Variants in PKP2 observed in about 807,000 individuals in gnomAD.
PKP2 encodes the protein plakophilin-2.
A neutral mutation model predicts 83.4 loss-of-function variants in PKP2; 73 were observed. The observed-to-expected ratio is 0.88, with a 90% CI of 0.72 to 1.06. The LOEUF (loss-of-function observed/expected upper bound fraction) is 1.06. Ranked by LOEUF, PKP2 falls within the 50% of genes least tolerant of loss-of-function variation. The probability of loss-of-function intolerance (pLI) is 0.00; values close to 1 mark genes in which losing one functional copy is unlikely to be tolerated. For missense variants in PKP2, 966 were observed against 1,065.4 expected (o/e 0.91, Z 1.30); for synonymous variants, 409 against 430.4 (o/e 0.95, Z 0.62).
intron 4 of PKP2, among the ~76,000 whole-genome samples, chr12:32,867,264 G>A (rs1356740534): frequency 6.6e-6 from 1 of 152,176 alleles, no homozygotes; most frequent in Non-Finnish European, 1.5e-5. Flanking sequence ...GAAAGTTGAG[G>A]CTGCAGTGAG....
rs1209406571 is a variant in PKP2, at chr12:32,878,193, G to A, written c.687C>T (p.Thr229=). 1.1e-5 allele frequency: 17 copies of A among 1,614,142 alleles called. No individual in the cohort carries two copies. Among genetic ancestry groups the A allele is most frequent in the African/African-American group, 5.3e-5 (4 of 74,946 alleles). The change falls in exon 3 of 13, where the codon ACC becomes ACT. Residue 229 remains threonine, a synonymous_variant. Transcript: ENST00000340811. ...GGTTGGCAGGGATGCTGTCAAAAAC[G>A]GTGTCGCTAACAGAGCCATGCTGGT... is the stretch of plus-strand genomic sequence containing the variant. ...RQYQHGSVSD[T]VFDSIPANPA...
chr12:32,834,703 TG>T (rs144348441), intron 6 of PKP2, among the ~76,000 whole-genome samples: 1 of 151,668 alleles, frequency 6.6e-6, no homozygotes, highest in African/African-American at 2.4e-5. Context: ...GAAAGAAGAC[TG>T]GGGGGGAGGA....
intron 6 of PKP2, among the ~76,000 whole-genome samples, chr12:32,837,809 C>T (rs1389214920): frequency 1.3e-5 from 2 of 152,152 alleles, no homozygotes; most frequent in Non-Finnish European, 2.9e-5. Flanking sequence ...TAGATTTTTA[C>T]CTTCACAATA....
chr12:32,818,171 T>C (rs1956337530), intron 9 of PKP2, among the ~76,000 whole-genome samples: 1 of 152,198 alleles, frequency 6.6e-6, no homozygotes. Context: ...CTTTTAAAAC[T>C]GTTTATTTCA....
chr12:32,846,415 G>T (rs1000009571), intron 5 of PKP2, among the ~76,000 whole-genome samples: 2 of 152,156 alleles, frequency 1.3e-5, no homozygotes, highest in Non-Finnish European at 2.9e-5. Flanking sequence ...CAGAAGTAGA[G>T]CGAGAGATGA....
intron 4 of PKP2, among the ~76,000 whole-genome samples, chr12:32,865,700 A>G (rs1956842394): frequency 6.6e-6 from 1 of 151,002 alleles, no homozygotes; most frequent in Admixed American, 6.6e-5. Context: ...AAAGACAAAT[A>G]GATCAATAGA....
At position 32,869,078 on chromosome 12, in the gene PKP2, C is replaced by G. The variant is rs777201065; in HGVS notation, c.1035-16G>C. On this transcript the variant is annotated splice_polypyrimidine_tract_variant and intron_variant, in intron 3 of 12. Coordinates refer to ENST00000340811, the MANE Select transcript of PKP2 (RefSeq NM_001005242.3). ...GTCTGCATTCCTAGACAAACAGGCA[C>G]AGATTCAGCCAGATTCCAAACCTCC... 1 of 1,613,428 alleles carries G rather than the reference C, an allele frequency of 6.2e-7. No homozygotes were observed. The highest frequency in any genetic ancestry group is 8.5e-7 in the Non-Finnish European group (1 of 1,179,988).
chr12:32,835,372 A>C (rs1956536133), intron 6 of PKP2, among the ~76,000 whole-genome samples: 1 of 152,110 alleles, frequency 6.6e-6, no homozygotes, highest in Non-Finnish European at 1.5e-5. Flanking sequence ...GTAGTTTAAA[A>C]TTCTAAGCCT....
Position 32,791,779 on chromosome 12 carries a change from T to A in PKP2, c.*645A>T, listed in dbSNP as rs1956069289. ...GGAGGAAAAGACTTCTTTAATTTGC[T>A]ATGATCACTTCCTCTCAATTTCTTT... On this transcript the variant is annotated 3_prime_UTR_variant, in exon 13 of 13. Coordinates refer to ENST00000340811, the MANE Select transcript of PKP2 (RefSeq NM_001005242.3). 6.6e-6 allele frequency: 1 copy of A among 152,310 alleles called. No individual in the cohort carries two copies. The highest frequency in any genetic ancestry group is 1.5e-5 in the Non-Finnish European group (1 of 68,116). The allele number at this position is 152,310 out of a possible 1,614,324, so 9.4% of individuals were successfully genotyped here. A position where few individuals can be genotyped will look rare whatever the true frequency, so the allele number is the denominator to read the frequency against.
At chr12:32,812,990 GA>G (rs1460995091) in intron 9 of PKP2, among the ~76,000 whole-genome samples, 1 of 152,088 alleles carries the variant, frequency 6.6e-6, no homozygotes, top group African/African-American at 2.4e-5. Flanking sequence ...TCGGTCTGAA[GA>G]AGAGAATTTT....
chr12:32,858,124 TATTTTATATTTATATATATATATATATAA>T (rs1565592768), intron 4 of PKP2, among the ~76,000 whole-genome samples: 6 of 98,532 alleles, frequency 6.1e-5, no homozygotes, highest in Non-Finnish European at 8.2e-5. Context: ...TATTTATATA[TATTTTATATTTATATATATATATATATAA>T]ATATATATAA....
chr12:32,817,844 C>A (rs1956334046), intron 9 of PKP2, among the ~76,000 whole-genome samples: 1 of 152,170 alleles, frequency 6.6e-6, no homozygotes, highest in South Asian at 2.1e-4. Flanking sequence ...CTGTTAGGAA[C>A]CCGCCGCACA....
At chr12:32,839,392 T>TG (rs71447624) in intron 6 of PKP2, among the ~76,000 whole-genome samples, 2 of 150,266 alleles carry the variant, frequency 1.3e-5, no homozygotes, top group Admixed American at 6.7e-5. Context: ...TTTTTTTTTT[T>TG]GTGGCTAAGC....
In PKP2 at chr12:32,878,737, A is replaced by G. The variant is rs74072964; in HGVS notation, c.336+183T>C. On this transcript the variant is annotated intron_variant, in intron 2 of 12. Transcript: ENST00000340811. Reference sequence around the variant, plus strand: ...TTGAGTCATATTTATTTGCACTAGGATGTAAGAATGTTTCACATCCCTAGT... The same window carrying G: ...TTGAGTCATATTTATTTGCACTAGGGTGTAAGAATGTTTCACATCCCTAGT... Among the ~76,000 whole-genome samples the G allele has an allele frequency of 3.0e-3, 450 of 152,288 alleles. 5 individuals carry two copies. Among genetic ancestry groups the G allele is most frequent in the African/African-American group, 0.01 (422 of 41,540 alleles).
chr12:32,856,058 T>A (rs548685746), intron 4 of PKP2, among the ~76,000 whole-genome samples: 3 of 152,284 alleles, frequency 2.0e-5, no homozygotes, highest in South Asian at 4.1e-4. Flanking sequence ...ACCAAAATGA[T>A]AATGGTGAGA....
At chr12:32,882,726 C>A (rs369389836) in intron 1 of PKP2, among the ~76,000 whole-genome samples, 1 of 152,256 alleles carries the variant, frequency 6.6e-6, no homozygotes, top group East Asian at 1.9e-4. Flanking sequence ...ATTTTATGTT[C>A]CTTTATAATA....
intron 4 of PKP2, among the ~76,000 whole-genome samples, chr12:32,867,375 G>A (rs141053477): frequency 9.4e-4 from 143 of 152,306 alleles, no homozygotes; most frequent in African/African-American, 3.3e-3. Context: ...GAGGCTGTTC[G>A]TAGGTTGAGG....
At chr12:32,840,974 G>T in intron 6 of PKP2, 54 bp downstream of exon 6, 2 of 1,352,702 alleles carry the variant, frequency 1.5e-6, no homozygotes, top group South Asian at 1.2e-5. Flanking sequence ...CTTCCTTGGG[G>T]CTACCTAATT....
rs397516986 is a variant in PKP2, at chr12:32,868,965, G to A, written c.1132C>T (p.Gln378Ter). Reference sequence around the variant, plus strand: ...TCAGATTTCTGGAAGCACTCGTGCTGTATGAAAGTAGCTGCAGCAGAAATC... The same window carrying A: ...TCAGATTTCTGGAAGCACTCGTGCTATATGAAAGTAGCTGCAGCAGAAATC... ...SRISAAATFI[Q>*]HECFQKSEAR... is the part of the protein sequence containing the mutation. Residue 378 changes from glutamine (Q) to a stop codon, truncating the protein, a stop_gained, in exon 4 of 13, where the codon CAG (glutamine) becomes TAG (stop). Transcript: ENST00000340811. LOFTEE classifies it high-confidence loss of function. 8 of 1,613,738 alleles carry A rather than the reference G, an allele frequency of 5.0e-6. No individual in the cohort carries two copies. Among genetic ancestry groups the A allele is most frequent in the South Asian group, 1.1e-5 (1 of 91,060 alleles).
Sources: allele counts gnomAD v4.1 joint callset (sites outside exome capture counted in the v4.1 genomes callset), GRCh38; gene constraint gnomAD v4.1.1; transcripts MANE v1.5; gene names NCBI Gene and HGNC (gene_info 2026-07-23, HGNC 2026-07-21).